Variants in ANXA7 observed in about 807,000 individuals in gnomAD.
ANXA7 encodes the protein annexin A7, also known as annexin VII.
ANXA7 carries 55 observed loss-of-function variants against 64.9 expected under a neutral mutation model. The observed-to-expected ratio is 0.85, with a 90% confidence interval of 0.68 to 1.06. ANXA7 has a LOEUF of 1.06. Among genes scored for constraint, ANXA7 ranks in the 50% least tolerant of loss-of-function variants. The pLI is 0.00. For missense variants in ANXA7, 548 were observed against 582.1 expected (o/e 0.94, Z 0.60); for synonymous variants, 200 against 192.4 (o/e 1.04, Z -0.33).
chr10:73,375,938 T>C lies in ANXA7; in HGVS notation c.*157A>G, dbSNP rs566673726. Reference sequence around the variant, plus strand: ...CAAAATAAAATTAGAATTAAGGCAATAACAACATGTGCAAACCAAGCACAT... The same window carrying C: ...CAAAATAAAATTAGAATTAAGGCAACAACAACATGTGCAAACCAAGCACAT... On this transcript the variant is annotated 3_prime_UTR_variant, in exon 13 of 13. Coordinates refer to ENST00000372921, the MANE Select transcript of ANXA7 (RefSeq NM_001156.5). The C allele has an allele frequency of 4.8e-5, 24 of 499,864 alleles. No individual in the cohort carries two copies. The South Asian group carries it at 1.2e-3, about 24-fold the overall frequency. The allele number at this position is 499,864 out of a possible 1,614,324, so 31.0% of individuals were successfully genotyped here.
At chr10:73,402,778 T>A (rs1470876303) in intron 1 of ANXA7, among the ~76,000 whole-genome samples, 2 of 152,142 alleles carry the variant, frequency 1.3e-5, no homozygotes, top group Admixed American at 1.3e-4. Flanking sequence ...CTGATATGTC[T>A]ATATTTGTAT....
chr10:73,398,329 G>T lies in ANXA7; in HGVS notation c.111C>A (p.Gly37=). ...AGGCACCTCCTCCCATTGGAGGAAAGCCACTAGGATAAGGATACTGACCAG... is the reference window on the plus strand; with the variant it reads ...AGGCACCTCCTCCCATTGGAGGAAATCCACTAGGATAAGGATACTGACCAG... The part of the protein sequence containing the change: ...PPSGQYPYPS[G]FPPMGGGAYP... The change falls in exon 3 of 13, where the codon GGC becomes GGA. Residue 37 remains glycine, a synonymous_variant. Transcript: ENST00000372921. 1 of 1,614,086 alleles carries T rather than the reference G, an allele frequency of 6.2e-7. No homozygotes were observed. Among genetic ancestry groups the T allele is most frequent in the Non-Finnish European group, 8.5e-7 (1 of 1,180,002 alleles).
Position 73,383,687 on chromosome 10 carries a change from A to C in ANXA7, c.637T>G (p.Leu213Val). ...AACTCTGATTTGAGATCTTTGATTA[A>C]ATCCTATTTAATCACAAATACAAGC... ...AAFKTSYGKD[L>V]IKDLKSELSG... is the part of the protein sequence containing the mutation. The change falls in exon 8 of 13, where the codon TTA becomes GTA. Residue 213 changes from leucine to valine, a missense_variant. Physicochemically the swap from Leu to Val is conservative, Grantham distance 32. Transcript: ENST00000372921. 1 of 1,585,818 alleles carries C rather than the reference A, an allele frequency of 6.3e-7. No homozygotes were observed. The highest frequency in any genetic ancestry group is 8.7e-7 in the Non-Finnish European group (1 of 1,154,988).
Position 73,383,097 on chromosome 10 carries a change from A to C in ANXA7, c.918+78T>G, listed in dbSNP as rs1239542507. 15 of 1,338,278 alleles carry C rather than the reference A, an allele frequency of 1.1e-5. No individual in the cohort carries two copies. In the Admixed American group the frequency reaches 1.9e-4, roughly 17 times the overall value. The allele number at this position is 1,338,278 out of a possible 1,614,324, so 82.9% of individuals were successfully genotyped here. ...TGCAAGGTGGCTAAATATTAAAAGGAATAAAGAATGCTCACTGGCAAAAGG... is the reference window on the plus strand; with the variant it reads ...TGCAAGGTGGCTAAATATTAAAAGGCATAAAGAATGCTCACTGGCAAAAGG... On this transcript the variant is annotated intron_variant, in intron 9 of 12. Transcript: ENST00000372921.
intron 1 of ANXA7, among the ~76,000 whole-genome samples, chr10:73,405,117 C>T (rs955013451): frequency 1.2e-4 from 19 of 152,074 alleles, no homozygotes; most frequent in Admixed American, 1.1e-3. Flanking sequence ...GTGGCATGTG[C>T]CTGTAGTCCC....
chr10:73,383,538 T>C (rs779126828), intron 8 of ANXA7, 39 bp downstream of exon 8: 16 of 1,492,148 alleles, frequency 1.1e-5, no homozygotes, highest in Non-Finnish European at 1.4e-5. Flanking sequence ...ACATATGAAA[T>C]AGGACAAAAT....
chr10:73,377,532 T>C (rs1343141427), intron 12 of ANXA7: 1 of 125,762 alleles, frequency 8.0e-6, no homozygotes, highest in African/African-American at 3.2e-5. Flanking sequence ...ATTATGCCAC[T>C]GTATTTCAGC....
chr10:73,409,751 C>T (rs2055811147), intron 1 of ANXA7, among the ~76,000 whole-genome samples: 1 of 152,204 alleles, frequency 6.6e-6, no homozygotes, highest in Admixed American at 6.5e-5. Flanking sequence ...CATCACATTA[C>T]CAGACTTCAA....
At chr10:73,396,211 A>T (rs2055572752) in intron 5 of ANXA7, 5 of 758,860 alleles carry the variant, frequency 6.6e-6, no homozygotes, top group Non-Finnish European at 9.0e-6. Context: ...CCAAATTCAT[A>T]GGTGTAACTG....
intron 12 of ANXA7, among the ~76,000 whole-genome samples, chr10:73,378,028 A>G (rs182148380): frequency 6.6e-6 from 1 of 150,862 alleles, no homozygotes; most frequent in East Asian, 2.0e-4. Context: ...TTGGCCTCCC[A>G]AACTGCTGAG....
intron 9 of ANXA7, among the ~76,000 whole-genome samples, chr10:73,382,763 C>G (rs1466977337): frequency 6.6e-6 from 1 of 152,064 alleles, no homozygotes; most frequent in Non-Finnish European, 1.5e-5. Context: ...TACTGGGAAC[C>G]CTAAAACATT....
intron 1 of ANXA7, among the ~76,000 whole-genome samples, chr10:73,401,592 C>T (rs183169810): frequency 5.9e-4 from 90 of 152,040 alleles, no homozygotes; most frequent in African/African-American, 1.8e-3. Flanking sequence ...CTCCGCCTCC[C>T]GGGTCCAAGT....
chr10:73,405,738 T>C (rs1702597000), intron 1 of ANXA7, among the ~76,000 whole-genome samples: 2 of 152,256 alleles, frequency 1.3e-5, no homozygotes, highest in Admixed American at 1.3e-4. Flanking sequence ...ACAATGTTAT[T>C]TGCAAGGCAA....
At chr10:73,379,682 T>C (rs544910663) in intron 11 of ANXA7, among the ~76,000 whole-genome samples, 197 bp downstream of exon 11, 1 of 152,296 alleles carries the variant, frequency 6.6e-6, no homozygotes, top group African/African-American at 2.4e-5. Flanking sequence ...GGAAATTGTA[T>C]GTAAAAACAC....
intron 6 of ANXA7, 61 bp from the exon 7 acceptor site, chr10:73,387,844 A>ATT: frequency 1.0e-6 from 1 of 957,362 alleles, no homozygotes; most frequent in South Asian, 1.6e-5. Context: ...GCTTGAGGTC[A>ATT]TCTTTTTTTT....
chr10:73,383,507 T>A (rs1162966719), intron 8 of ANXA7, 70 bp downstream of exon 8: 31 of 1,336,826 alleles, frequency 2.3e-5, no homozygotes, highest in Non-Finnish European at 3.2e-5. Context: ...AATTCAGAAC[T>A]GTCATAATTT....
At position 73,376,156 on chromosome 10, in the gene ANXA7, A is replaced by T; in HGVS notation, c.1340T>A (p.Met447Lys). The stretch of plus-strand genomic sequence containing the variant: ...ATCTCCACTCGTGTCACCTGCAATC[A>T]TTGTGCCCAGAGTCTTCTGATACAT... ...AQMYQKTLGT[M>K]IAGDTSGDYR... Residue 447 changes from methionine to lysine, a missense_variant, in exon 13 of 13, where the codon ATG becomes AAG. Physicochemically the swap from Met to Lys is moderately conservative, Grantham distance 95. Transcript: ENST00000372921. 6.2e-7 allele frequency: 1 copy of T among 1,609,716 alleles called. No individual in the cohort carries two copies. The highest frequency in any genetic ancestry group is 8.5e-7 in the Non-Finnish European group (1 of 1,178,104).
chr10:73,397,361 GA>G, intron 3 of ANXA7, 87 bp from the exon 4 acceptor site: 1 of 635,772 alleles, frequency 1.6e-6, no homozygotes, highest in South Asian at 3.5e-5. Context: ...GTTAACAGTG[GA>G]AAAATATGCT....
intron 3 of ANXA7, among the ~76,000 whole-genome samples, chr10:73,397,934 T>G (rs1223143747): frequency 6.6e-6 from 1 of 152,154 alleles, no homozygotes; most frequent in Non-Finnish European, 1.5e-5. Flanking sequence ...GTGTTACATA[T>G]TGGTCCTTTA....
Sources: gnomAD v4.1 joint callset for allele counts (sites outside exome capture counted in the v4.1 genomes callset) on GRCh38, gnomAD v4.1.1 for gene constraint, MANE v1.5 for transcripts, NCBI Gene and HGNC (gene_info 2026-07-23, HGNC 2026-07-21) for gene names.